DLGAP1: variants seen among roughly 807,000 people sequenced by gnomAD.
DLGAP1 encodes DLG associated protein 1.
In DLGAP1, 11 loss-of-function variants were observed where a neutral mutation model predicts 90.8. The ratio of observed to expected loss-of-function variants is 0.12; its 90% CI spans 0.08 to 0.20. The LOEUF is 0.20. DLGAP1 is among the 10% of genes least tolerant of loss of function. The probability of loss-of-function intolerance (pLI) is 1.00; values close to 1 mark genes in which losing one functional copy is unlikely to be tolerated. For synonymous variants in DLGAP1, 558 were observed against 540.7 expected (o/e 1.03, Z -0.44); for missense variants, 1,050 against 1,333.8 (o/e 0.79, Z 3.31).
intron 8 of DLGAP1, among the ~76,000 whole-genome samples, chr18:3,568,866 T>G (rs1324363454): frequency 2.6e-5 from 4 of 151,656 alleles, no homozygotes; most frequent in South Asian, 4.2e-4. Flanking sequence ...TTTTATATTT[T>G]TAGTAGAGAC....
At chr18:3,584,819 A>G (rs1363661650) in intron 7 of DLGAP1, among the ~76,000 whole-genome samples, 1 of 152,124 alleles carries the variant, frequency 6.6e-6, no homozygotes, top group African/African-American at 2.4e-5. Context: ...TGGCACGATC[A>G]TGGCTCACTG....
chr18:4,292,214 T>C (rs1472202189), intron 1 of DLGAP1, among the ~76,000 whole-genome samples: 5 of 152,124 alleles, frequency 3.3e-5, no homozygotes, highest in African/African-American at 1.2e-4. Context: ...ACCATAAAAA[T>C]GGTCCAGAGT....
intron 1 of DLGAP1, among the ~76,000 whole-genome samples, chr18:4,218,851 AC>A (rs2078015893): frequency 1.3e-5 from 2 of 151,074 alleles, no homozygotes; most frequent in African/African-American, 4.9e-5. Flanking sequence ...ACACACACAC[AC>A]AATTTTCTTT....
intron 2 of DLGAP1, among the ~76,000 whole-genome samples, chr18:4,007,695 A>T (rs1019639122): frequency 2.0e-5 from 3 of 151,998 alleles, no homozygotes; most frequent in African/African-American, 7.3e-5. Flanking sequence ...TTTTACTGCT[A>T]TGAGGCATCA....
intron 5 of DLGAP1, among the ~76,000 whole-genome samples, chr18:3,765,130 C>T (rs61510871): frequency 0.16 from 17,312 of 110,968 alleles, 1,461 homozygotes; most frequent in East Asian, 0.37. Context: ...TTTTTTTTTT[C>T]TTTTTTTTTT....
At chr18:4,344,964 A>T (rs571151191) in intron 1 of DLGAP1, among the ~76,000 whole-genome samples, 1 of 152,304 alleles carries the variant, frequency 6.6e-6, no homozygotes, top group East Asian at 1.9e-4. Flanking sequence ...CCTCCATGTT[A>T]ATATTCAATA....
intron 1 of DLGAP1, among the ~76,000 whole-genome samples, chr18:4,432,602 G>C (rs2615855): frequency 2.1e-5 from 1 of 47,474 alleles, no homozygotes; most frequent in African/African-American, 6.2e-5. Flanking sequence ...GTGTGTGTGT[G>C]TGTGTGTGTG....
chr18:4,306,534 G>T (rs2080270146), intron 1 of DLGAP1, among the ~76,000 whole-genome samples: 1 of 151,866 alleles, frequency 6.6e-6, no homozygotes, highest in African/African-American at 2.4e-5. Context: ...GGGAGAGGGG[G>T]TTGGAGGAGG....
intron 2 of DLGAP1, among the ~76,000 whole-genome samples, chr18:4,040,744 C>T (rs1021729200): frequency 3.9e-5 from 6 of 152,142 alleles, no homozygotes; most frequent in East Asian, 3.9e-4. Flanking sequence ...GACATGTGAA[C>T]GTGAAAATCT....
intron 4 of DLGAP1, among the ~76,000 whole-genome samples, chr18:3,842,410 A>G (rs1292972720): frequency 6.6e-6 from 1 of 152,132 alleles, no homozygotes; most frequent in African/African-American, 2.4e-5. Flanking sequence ...TTTTATCTGT[A>G]TTTTAGAAAG....
intron 9 of DLGAP1, among the ~76,000 whole-genome samples, chr18:3,545,035 G>A (rs549853686): frequency 2.8e-4 from 42 of 152,216 alleles, no homozygotes; most frequent in African/African-American, 8.4e-4. Flanking sequence ...TTGGGAGGCC[G>A]AGGTGGGCAG....
chr18:4,251,602 A>G (rs1474468757), intron 1 of DLGAP1, among the ~76,000 whole-genome samples: 1 of 152,246 alleles, frequency 6.6e-6, no homozygotes, highest in African/African-American at 2.4e-5. Context: ...GAGTATGTGT[A>G]TCACAAACTT....
Position 3,772,166 on chromosome 18 carries a change from C to CCT in DLGAP1, c.1173-29655_1173-29654insAG, listed in dbSNP as rs1555662542. ...TCCTTCCTTCCTTCCCTTTCTTTCTCTCCTTCCTTTCTCTCCTTCCTTCCT... is the reference window on the plus strand; with the variant it reads ...TCCTTCCTTCCTTCCCTTTCTTTCTCCTTCCTTCCTTTCTCTCCTTCCTTCCT... On this transcript the variant is annotated intron_variant, in intron 5 of 12. Transcript: ENST00000315677. Among the ~76,000 whole-genome samples the CCT allele has an allele frequency of 1.8e-3, 178 of 96,444 alleles. 1 individual carries two copies. The highest frequency in any genetic ancestry group is 7.1e-3 in the African/African-American group (164 of 23,118). The allele number at this position is 96,444 out of a possible 152,430, so 63.3% of individuals were successfully genotyped here.
chr18:4,421,193 A>G (rs1056043095), intron 1 of DLGAP1, among the ~76,000 whole-genome samples: 1 of 152,172 alleles, frequency 6.6e-6, no homozygotes, highest in Non-Finnish European at 1.5e-5. Flanking sequence ...TTTGGGGAGA[A>G]TCCTTTCCTT....
intron 3 of DLGAP1, among the ~76,000 whole-genome samples, chr18:4,001,933 T>C (rs2074194790): frequency 6.6e-6 from 1 of 152,192 alleles, no homozygotes. Flanking sequence ...TCTCTGCCTC[T>C]TGGGGCCATC....
At chr18:4,106,936 A>G (rs1244560249) in intron 2 of DLGAP1, among the ~76,000 whole-genome samples, 1 of 152,204 alleles carries the variant, frequency 6.6e-6, no homozygotes, top group Non-Finnish European at 1.5e-5. Context: ...AATTCTCAGA[A>G]AGGAAAAGAT....
At chr18:3,945,164 A>G (rs2072852242) in intron 3 of DLGAP1, among the ~76,000 whole-genome samples, 1 of 152,196 alleles carries the variant, frequency 6.6e-6, no homozygotes, top group African/African-American at 2.4e-5. Flanking sequence ...AATGATGATA[A>G]TATTTCCATC....
chr18:4,296,707 T>C (rs1332844738), intron 1 of DLGAP1, among the ~76,000 whole-genome samples: 1 of 152,226 alleles, frequency 6.6e-6, no homozygotes, highest in Non-Finnish European at 1.5e-5. Flanking sequence ...CTCTAGATGC[T>C]GGCAATTTCA....
chr18:4,363,629 T>G (rs2081682421), intron 1 of DLGAP1, among the ~76,000 whole-genome samples: 1 of 152,204 alleles, frequency 6.6e-6, no homozygotes, highest in African/African-American at 2.4e-5. Context: ...AGAAGACATT[T>G]ATGCAGTCAA....
Sources: allele counts gnomAD v4.1 joint callset (sites outside exome capture counted in the v4.1 genomes callset), GRCh38; gene constraint gnomAD v4.1.1; transcripts MANE v1.5; gene names NCBI Gene and HGNC (gene_info 2026-07-23, HGNC 2026-07-21).